The following ITPRID1 variants were observed in gnomAD, a reference collection of about 807,000 sequenced individuals.
ITPRID1 encodes ITPR interacting domain containing 1.
Under a neutral mutation model 95.4 loss-of-function variants are expected in ITPRID1, and 96 were observed. The ratio of observed to expected loss-of-function variants is 1.01; its 90% confidence interval spans 0.85 to 1.19. The LOEUF is 1.19. Among genes scored for constraint, ITPRID1 ranks in the 50% most tolerant of loss-of-function variants. ITPRID1 has a pLI of 0.00. For missense variants in ITPRID1, 1,339 were observed against 1,252.9 expected (o/e 1.07, Z -1.04); for synonymous variants, 510 against 453.6 (o/e 1.12, Z -1.58).
chr7:31,655,993 C>T lies in ITPRID1; in HGVS notation c.*3164C>T, dbSNP rs1312964038. ...ATTCCCCTAAACCACCTCCTGTGTT[C>T]CTGCTTCCTCTCCTTTGCTGAAACA... On this transcript the variant is annotated 3_prime_UTR_variant, in exon 15 of 15. Transcript: ENST00000615280. The T allele has an allele frequency of 2.0e-5, 20 of 985,254 alleles. No individual in the cohort carries two copies. Among genetic ancestry groups the T allele is most frequent in the Non-Finnish European group, 2.4e-5 (20 of 829,868 alleles). The allele number at this position is 985,254 out of a possible 1,614,324, so 61.0% of individuals were successfully genotyped here.
chr7:31,647,673 C>CAAAAAAAAAAAAAA (rs11345351), intron 12 of ITPRID1, among the ~76,000 whole-genome samples: 1 of 69,340 alleles, frequency 1.4e-5, no homozygotes, highest in Non-Finnish European at 2.8e-5. Context: ...GTCTCCGTCT[C>CAAAAAAAAAAAAAA]AAAAAAAAAA....
Position 31,642,157 on chromosome 7 carries a change from G to T in ITPRID1, c.1229-19G>T. 1 of 1,544,906 alleles carries T rather than the reference G, an allele frequency of 6.5e-7. No homozygotes were observed. The highest frequency in any genetic ancestry group is 8.8e-7 in the Non-Finnish European group (1 of 1,142,076). The stretch of plus-strand genomic sequence containing the variant: ...CGTGTTTTCCCTTTAATAACCTCAA[G>T]ACCTCTTTCATTCTGCAGGTGCCAG... On this transcript the variant is annotated intron_variant, in intron 10 of 14. Transcript: ENST00000615280.
At position 31,643,103 on chromosome 7, in the gene ITPRID1, A is replaced by G; in HGVS notation, c.1733A>G (p.Asp578Gly). ...FMVTHVTEMQ[D>G]SFVRPEGAGK... The stretch of plus-strand genomic sequence containing the variant: ...GTAACCCACGTCACAGAAATGCAGG[A>G]CAGTTTTGTGAGGCCTGAGGGAGCT... The change falls in exon 12 of 15, where the codon GAC (aspartate) becomes GGC (glycine). Residue 578 changes from aspartate (D) to glycine (G), a missense_variant. By Grantham distance (94) the Asp-to-Gly change is moderately conservative. Transcript: ENST00000615280. 1 of 1,613,994 alleles carries G rather than the reference A, an allele frequency of 6.2e-7. No individual in the cohort carries two copies. The highest frequency in any genetic ancestry group is 8.5e-7 in the Non-Finnish European group (1 of 1,179,900).
At chr7:31,625,473 G>T (rs1041766435) in intron 10 of ITPRID1, among the ~76,000 whole-genome samples, 2 of 151,994 alleles carry the variant, frequency 1.3e-5, no homozygotes, top group African/African-American at 4.8e-5. Context: ...TCCTTTGTAG[G>T]GACATGGATG....
intron 8 of ITPRID1, among the ~76,000 whole-genome samples, chr7:31,577,556 G>A (rs1160259728): frequency 3.3e-5 from 5 of 152,282 alleles, no homozygotes; most frequent in Admixed American, 1.3e-4. Flanking sequence ...CAGATTCACC[G>A]ATGCCTACCG....
intron 1 of ITPRID1, among the ~76,000 whole-genome samples, chr7:31,543,897 G>T (rs553379274): frequency 4.6e-5 from 7 of 151,974 alleles, no homozygotes; most frequent in Admixed American, 2.0e-4. Context: ...TTATAGTTTT[G>T]CATTGTACAT....
At chr7:31,517,243 GGTCCATTTTACACAGCGCTGATTA>G (rs1783073931) in intron 1 of ITPRID1, 1 of 152,106 alleles carries the variant, frequency 6.6e-6, no homozygotes, top group Non-Finnish European at 1.5e-5. Flanking sequence ...AGAGCTGATT[GGTCCATTTTACACAGCGCTGATTA>G]GTCCATTTTA....
intron 1 of ITPRID1, among the ~76,000 whole-genome samples, chr7:31,538,798 G>A (rs752114817): frequency 6.6e-6 from 1 of 152,104 alleles, no homozygotes; most frequent in Non-Finnish European, 1.5e-5. Flanking sequence ...AGGAAGCATC[G>A]GCTAAATTTC....
rs775698431 is a variant in ITPRID1, at chr7:31,591,699, G to A, written c.1228+8508G>A. On this transcript the variant is annotated intron_variant, in intron 10 of 14. Coordinates refer to ENST00000615280, the MANE Select transcript of ITPRID1 (RefSeq NM_001257967.3). Reference sequence around the variant, plus strand: ...CCAAATCCTAGGCTTGGAAACATCAGGGTGACATTGCCACTCTTAGGATCC... The same window carrying A: ...CCAAATCCTAGGCTTGGAAACATCAAGGTGACATTGCCACTCTTAGGATCC... Among the ~76,000 whole-genome samples the A allele has an allele frequency of 8.7e-4, 132 of 152,244 alleles. 2 individuals carry two copies. Among genetic ancestry groups the A allele is most frequent in the Middle Eastern group, 3.4e-3 (1 of 294 alleles).
At chr7:31,582,984 G>A (rs1183464658) in intron 9 of ITPRID1, 150 bp from the exon 10 acceptor site, 1 of 495,104 alleles carries the variant, frequency 2.0e-6, no homozygotes, top group Non-Finnish European at 3.6e-6. Context: ...ATCATCCCCG[G>A]TACCTCCTCC....
intron 10 of ITPRID1, among the ~76,000 whole-genome samples, chr7:31,583,563 G>A (rs1012887277): frequency 2.0e-5 from 3 of 152,180 alleles, no homozygotes; most frequent in Non-Finnish European, 2.9e-5. Flanking sequence ...AGGAGGTGGA[G>A]GTTGCAGTGA....
chr7:31,541,353 A>G (rs1352480469), intron 1 of ITPRID1, among the ~76,000 whole-genome samples: 3 of 152,180 alleles, frequency 2.0e-5, no homozygotes, highest in Non-Finnish European at 4.4e-5. Context: ...CACAATCTCC[A>G]AAGTTATCAG....
intron 12 of ITPRID1, among the ~76,000 whole-genome samples, chr7:31,647,743 T>C (rs1279088226): frequency 1.4e-5 from 2 of 146,920 alleles, no homozygotes; most frequent in South Asian, 2.2e-4. Flanking sequence ...ACAATGGGAG[T>C]TCTGAGCAGA....
At position 31,652,846 on chromosome 7, in the gene ITPRID1, T is replaced by C. The variant is rs779183110; in HGVS notation, c.*17T>C. 3.7e-6 allele frequency: 6 copies of C among 1,602,268 alleles called. No individual in the cohort carries two copies. The East Asian group carries it at 1.3e-4, about 36-fold the overall frequency. On this transcript the variant is annotated 3_prime_UTR_variant, in exon 15 of 15. Transcript: ENST00000615280. Reference sequence around the variant, plus strand: ...TTCCTCTAGATCAGAGCAGGTTTGTTAACCTTCATACAAAATATAAAGGCC... The same window carrying C: ...TTCCTCTAGATCAGAGCAGGTTTGTCAACCTTCATACAAAATATAAAGGCC...
At chr7:31,565,366 A>T (rs752107614) in intron 5 of ITPRID1, among the ~76,000 whole-genome samples, 17 of 152,246 alleles carry the variant, frequency 1.1e-4, no homozygotes, top group Non-Finnish European at 2.2e-4. Context: ...ATCTAAGCTC[A>T]GCAGCAGAGA....
At chr7:31,641,802 A>C (rs1477595916) in intron 10 of ITPRID1, among the ~76,000 whole-genome samples, 2 of 152,200 alleles carry the variant, frequency 1.3e-5, no homozygotes, top group Non-Finnish European at 2.9e-5. Context: ...CACACACACA[A>C]ATATATAAAA....
At chr7:31,521,534 A>G (rs1233576366) in intron 1 of ITPRID1, among the ~76,000 whole-genome samples, 1 of 152,190 alleles carries the variant, frequency 6.6e-6, no homozygotes, top group Non-Finnish European at 1.5e-5. Context: ...ACTCAAGATT[A>G]TGATATGTAG....
At chr7:31,516,535 C>G (rs1783046035) in intron 1 of ITPRID1, among the ~76,000 whole-genome samples, 1 of 152,090 alleles carries the variant, frequency 6.6e-6, no homozygotes, top group African/African-American at 2.4e-5. Context: ...GATGCCATAG[C>G]TCAGGAAGAG....
intron 8 of ITPRID1, 80 bp from the exon 9 acceptor site, chr7:31,577,783 C>T: frequency 8.5e-7 from 1 of 1,180,154 alleles, no homozygotes. Context: ...TGTTAACGGA[C>T]CCTTCAGTTT....
Sources: allele counts gnomAD v4.1 joint callset (sites outside exome capture counted in the v4.1 genomes callset), GRCh38; gene constraint gnomAD v4.1.1; transcripts MANE v1.5; gene names NCBI Gene and HGNC (gene_info 2026-07-23, HGNC 2026-07-21).